BSDC1: variants seen among roughly 807,000 people sequenced by gnomAD.
BSDC1 encodes BSD domain-containing protein 1.
Under a neutral mutation model 56.0 loss-of-function variants are expected in BSDC1, and 29 were observed. The ratio of observed to expected loss-of-function variants is 0.52; its 90% CI spans 0.39 to 0.71. The LOEUF is 0.71. BSDC1 is among the 30% of genes least tolerant of loss of function. The pLI, the probability that BSDC1 is intolerant of heterozygous loss-of-function variation, is 0.00. For synonymous variants in BSDC1, 210 were observed against 215.3 expected, an observed-to-expected ratio of 0.98 and a Z score of 0.21; for missense variants, 477 against 548.5, an observed-to-expected ratio of 0.87 and a Z score of 1.30.
intron 2 of BSDC1, among the ~76,000 whole-genome samples, chr1:32,389,972 C>CA (rs386366640): frequency 0.086 from 6,237 of 72,850 alleles, 420 homozygotes; most frequent in African/African-American, 0.23. Flanking sequence ...GACCCTGTCT[C>CA]AAAAAAAAAA....
intron 8 of BSDC1, among the ~76,000 whole-genome samples, chr1:32,377,377 C>T (rs1011026064): frequency 6.6e-6 from 1 of 152,168 alleles, no homozygotes; most frequent in African/African-American, 2.4e-5. Context: ...GGCAAGCCAC[C>T]TAACTTTTAA....
intron 3 of BSDC1, among the ~76,000 whole-genome samples, chr1:32,386,153 C>T (rs1161257527): frequency 6.6e-6 from 1 of 151,958 alleles, no homozygotes; most frequent in Non-Finnish European, 1.5e-5. Context: ...CCCGTCTCTA[C>T]TAAAAAATAC....
At chr1:32,370,204 C>T (rs1016056906) in intron 9 of BSDC1, among the ~76,000 whole-genome samples, 2 of 152,204 alleles carry the variant, frequency 1.3e-5, no homozygotes, top group Non-Finnish European at 2.9e-5. Context: ...TCTCAAACTC[C>T]TGACCTTAGG....
At position 32,384,110 on chromosome 1, in the gene BSDC1, C is replaced by T. The variant is rs374104851; in HGVS notation, c.190-113G>A. 3.2e-5 allele frequency: 46 copies of T among 1,447,216 alleles called. No homozygotes were observed. In the East Asian group the frequency reaches 3.2e-4, roughly 10 times the overall value. 89.6% of individuals were successfully genotyped at this position (1,447,216 alleles called of 1,614,324 possible). ...ACCGTGTGTTGGGGGACCAGGGAAG[C>T]GCTCACGACCCTTCACCCGTCTCTG... On this transcript the variant is annotated intron_variant, in intron 3 of 10. Coordinates refer to ENST00000455895, the MANE Select transcript of BSDC1 (RefSeq NM_018045.8).
chr1:32,366,919 G>A (rs1395727210), intron 10 of BSDC1: 3 of 1,208,916 alleles, frequency 2.5e-6, no homozygotes, highest in Non-Finnish European at 3.1e-6. Context: ...ACACCACAAG[G>A]TGATGGCTGC....
chr1:32,368,150 G>A (rs1488886077), intron 10 of BSDC1: 4 of 1,424,206 alleles, frequency 2.8e-6, no homozygotes, highest in African/African-American at 2.9e-5. Flanking sequence ...GGGATTACAG[G>A]TGTGAGCCAC....
chr1:32,378,533 G>A lies in BSDC1; in HGVS notation c.528+191C>T, dbSNP rs960539015. ...GCCCTTCCATTTCTCACCATTCTCT[G>A]ATTGCCAGAAGCCTGGCAAACCAGC... is the stretch of plus-strand genomic sequence containing the variant. On this transcript the variant is annotated intron_variant, in intron 6 of 10. Coordinates refer to ENST00000455895, the MANE Select transcript of BSDC1 (RefSeq NM_018045.8). The surrounding 1 kb of genome is among the most constrained non-coding windows in gnomAD (Gnocchi z 5.2). 1.3e-5 allele frequency among the ~76,000 whole-genome samples: 2 copies of A among 152,190 alleles called. No individual in the cohort carries two copies. Among genetic ancestry groups the A allele is most frequent in the African/African-American group, 4.8e-5 (2 of 41,444 alleles).
Position 32,376,680 on chromosome 1 carries a change from A to C in BSDC1, c.738T>G (p.Ile246Met), listed in dbSNP as rs755253841. 6 of 1,413,802 alleles carry C rather than the reference A, an allele frequency of 4.2e-6. No individual in the cohort carries two copies. In the South Asian group the frequency reaches 1.1e-4, roughly 27 times the overall value. 87.6% of individuals were successfully genotyped at this position (1,413,802 alleles called of 1,614,324 possible). The change falls in exon 9 of 11, where the codon ATT becomes ATG. Residue 246 changes from isoleucine (I) to methionine (M), a missense_variant. Transcript: ENST00000455895. ...CAGGTTCTCCTTCAGGGAATGTAGA[A>C]ATTTTGGCCACAGGAACCTTTGCCT... Reference protein sequence around the residue: ...PKEAKVPVAKISTFPEGEPGP... With the variant: ...PKEAKVPVAKMSTFPEGEPGP...
intron 9 of BSDC1, among the ~76,000 whole-genome samples, chr1:32,373,422 T>C (rs1642167176): frequency 6.6e-6 from 1 of 152,188 alleles, no homozygotes; most frequent in Admixed American, 6.5e-5. Context: ...AAACCTATAA[T>C]TTGTAACCCT....
At chr1:32,393,323 G>C (rs1642930741) in intron 2 of BSDC1, among the ~76,000 whole-genome samples, 1 of 152,124 alleles carries the variant, frequency 6.6e-6, no homozygotes, top group African/African-American at 2.4e-5. Flanking sequence ...CCACTCTCTG[G>C]TGATTAATCT....
rs1158157545 is a variant in BSDC1, at chr1:32,386,817, T to C, written c.151A>G (p.Ile51Val). The change falls in exon 3 of 11, where the codon ATC becomes GTC. Residue 51 changes from isoleucine (I) to valine (V), a missense_variant. By Grantham distance (29) the Ile-to-Val change is conservative. Transcript: ENST00000455895. ...QVVQHDTACT[I>V]AATASVVKEK... ...TTGACCACGCTGGCCGTGGCTGCGA[T>C]GGTACAGGCCGTGTCATGCTGCACC... The C allele has an allele frequency of 6.2e-7, 1 of 1,612,574 alleles. No homozygotes were observed. Among genetic ancestry groups the C allele is most frequent in the African/African-American group, 1.3e-5 (1 of 74,880 alleles).
intron 2 of BSDC1, chr1:32,393,481 C>A (rs1642937513): frequency 6.6e-6 from 1 of 152,624 alleles, no homozygotes. Context: ...TCCACAGGGG[C>A]CTTCCCTGGT....
At position 32,366,296 on chromosome 1, in the gene BSDC1, T is replaced by A. The variant is rs1313870769; in HGVS notation, c.*326A>T. 5.6e-6 allele frequency: 3 copies of A among 531,636 alleles called. No individual in the cohort carries two copies. Among genetic ancestry groups the A allele is most frequent in the Non-Finnish European group, 1.0e-5 (3 of 288,704 alleles). 32.9% of individuals were successfully genotyped at this position (531,636 alleles called of 1,614,324 possible). On this transcript the variant is annotated 3_prime_UTR_variant, in exon 11 of 11. Transcript: ENST00000455895. Reference sequence around the variant, plus strand: ...CAGGCAGAAGGGCTAGAACTATCCCTTGGGACTTCCCAGCAGGAGTCCTCA... The same window carrying A: ...CAGGCAGAAGGGCTAGAACTATCCCATGGGACTTCCCAGCAGGAGTCCTCA...
chr1:32,384,054 G>T, intron 3 of BSDC1, 57 bp from the exon 4 acceptor site: 1 of 1,610,824 alleles, frequency 6.2e-7, no homozygotes, highest in Non-Finnish European at 8.5e-7. Context: ...GCAATCTGGG[G>T]TATGGGGGTA....
In BSDC1 at chr1:32,378,465, G is replaced by A. The variant is rs1173767971; in HGVS notation, c.529-182C>T. 6.6e-6 allele frequency among the ~76,000 whole-genome samples: 1 copy of A among 152,178 alleles called. No homozygotes were observed. The highest frequency in any genetic ancestry group is 2.4e-5 in the African/African-American group (1 of 41,442). ...AGCCAGACCCACCTTCCTAGTCCGG[G>A]TTGGCCAAGGAGTGAGAAAAGAACT... On this transcript the variant is annotated intron_variant, in intron 6 of 10. Transcript: ENST00000455895. The surrounding 1 kb of genome is among the most constrained non-coding windows in gnomAD (Gnocchi z 5.2).
intron 9 of BSDC1, 95 bp downstream of exon 9, chr1:32,376,167 C>T (rs1642272481): frequency 7.5e-7 from 1 of 1,326,172 alleles, no homozygotes; most frequent in African/African-American, 1.4e-5. Context: ...AAAAAATCTG[C>T]TCATAGTATC....
intron 3 of BSDC1, among the ~76,000 whole-genome samples, chr1:32,384,807 C>CT (rs1395430383): frequency 6.6e-6 from 1 of 151,562 alleles, no homozygotes; most frequent in African/African-American, 2.4e-5. Context: ...AACCTAGAAC[C>CT]TATCATAGTG....
At chr1:32,375,753 G>C (rs1285721277) in intron 9 of BSDC1, among the ~76,000 whole-genome samples, 1 of 152,212 alleles carries the variant, frequency 6.6e-6, no homozygotes, top group Admixed American at 6.5e-5. Flanking sequence ...GGTTACACAG[G>C]AAGAAGACCC....
intron 4 of BSDC1, among the ~76,000 whole-genome samples, chr1:32,382,136 A>G (rs1642497998): frequency 6.6e-6 from 1 of 151,706 alleles, no homozygotes; most frequent in South Asian, 2.1e-4. Flanking sequence ...CTGAGGCAGG[A>G]GAATCGCTTG....
Sources: allele counts gnomAD v4.1 joint callset (sites outside exome capture counted in the v4.1 genomes callset), GRCh38; gene constraint gnomAD v4.1.1; non-coding constraint Gnocchi (gnomAD v3.1); transcripts MANE v1.5; gene names NCBI Gene and HGNC (gene_info 2026-07-23, HGNC 2026-07-21).